Variants in SAMD12 observed in about 807,000 individuals in gnomAD.
SAMD12 encodes the protein sterile alpha motif domain containing 12.
SAMD12 carries 9 observed loss-of-function variants against 15.0 expected under a neutral mutation model. The ratio of observed to expected loss-of-function variants is 0.60; its 90% CI spans 0.36 to 1.05. SAMD12 has a LOEUF of 1.05. SAMD12 is among the 50% of genes least tolerant of loss of function. The pLI is 0.01. For missense variants in SAMD12, 230 were observed against 234.2 expected (o/e 0.98, Z 0.12); for synonymous variants, 86 against 90.1 (o/e 0.96, Z 0.25).
intron 1 of SAMD12, among the ~76,000 whole-genome samples, chr8:118,591,864 T>C (rs1353070399): frequency 1.3e-5 from 2 of 152,062 alleles, no homozygotes; most frequent in East Asian, 3.8e-4. Flanking sequence ...ATTTAGGAAG[T>C]CTTTACATAT....
chr8:118,215,899 A>G (rs1443056707), intron 4 of SAMD12, among the ~76,000 whole-genome samples: 3 of 151,398 alleles, frequency 2.0e-5, no homozygotes, highest in Non-Finnish European at 4.4e-5. Context: ...AGTCTTTGCT[A>G]TTGTGAATAA....
chr8:118,299,766 C>CA (rs976224062), intron 4 of SAMD12, among the ~76,000 whole-genome samples: 1 of 152,044 alleles, frequency 6.6e-6, no homozygotes, highest in African/African-American at 2.4e-5. Flanking sequence ...CAAGAATTGG[C>CA]AAAAATCTCT....
chr8:118,464,404 G>A (rs527703555), intron 2 of SAMD12, among the ~76,000 whole-genome samples: 17 of 152,256 alleles, frequency 1.1e-4, no homozygotes, highest in African/African-American at 4.1e-4. Flanking sequence ...GAGAAAAGAT[G>A]GGTCCAGGAA....
chr8:118,372,346 T>C (rs9643125), intron 4 of SAMD12, among the ~76,000 whole-genome samples: 107,898 of 151,616 alleles, frequency 0.71, 39,585 homozygotes, highest in African/African-American at 0.86. Context: ...TGACCTGAGA[T>C]TCTCAGGAAA....
At chr8:118,348,142 T>C (rs1173749346) in intron 4 of SAMD12, among the ~76,000 whole-genome samples, 1 of 152,072 alleles carries the variant, frequency 6.6e-6, no homozygotes, top group African/African-American at 2.4e-5. Context: ...AACGGTGCCC[T>C]CTCGGCTCAC....
chr8:118,602,833 T>C (rs1410592362), intron 1 of SAMD12, among the ~76,000 whole-genome samples: 2 of 151,994 alleles, frequency 1.3e-5, no homozygotes, highest in Admixed American at 1.3e-4. Context: ...TTGGCAAATA[T>C]TTGAAGAAAA....
chr8:118,333,632 C>T (rs1816908749), intron 4 of SAMD12, among the ~76,000 whole-genome samples: 1 of 151,598 alleles, frequency 6.6e-6, no homozygotes, highest in Non-Finnish European at 1.5e-5. Context: ...GTATTCAATA[C>T]AGAAGGACTT....
Position 118,428,424 on chromosome 8 carries a change from A to AAAAGAAAAGC in SAMD12, c.322+11407_322+11408insGCTTTTCTTT, listed in dbSNP as rs1822301201. Among the ~76,000 whole-genome samples the AAAAGAAAAGC allele has an allele frequency of 6.1e-5, 9 of 146,824 alleles. No homozygotes were observed. In the South Asian group the frequency reaches 1.9e-3, roughly 30 times the overall value. On this transcript the variant is annotated intron_variant, in intron 3 of 3. Coordinates refer to ENST00000314727, the MANE Select transcript of SAMD12 (RefSeq NM_207506.3). ...AAAAACAATAACAAAGAAAGAAAAG[A>AAAAGAAAAGC]AAAGAAAAAAGAAAAGAAATAAAAA...
chr8:118,348,381 T>G (rs1817772753), intron 4 of SAMD12, among the ~76,000 whole-genome samples: 1 of 151,828 alleles, frequency 6.6e-6, no homozygotes, highest in East Asian at 1.9e-4. Context: ...TTATTACTTT[T>G]TTTTTTTGAG....
chr8:118,531,245 G>T (rs1041382193), intron 2 of SAMD12, among the ~76,000 whole-genome samples: 1 of 152,174 alleles, frequency 6.6e-6, no homozygotes, highest in African/African-American at 2.4e-5. Context: ...TTGTAGATAT[G>T]TGGTATTATT....
chr8:118,294,995 C>T (rs113166273), intron 4 of SAMD12, among the ~76,000 whole-genome samples: 161 of 152,118 alleles, frequency 1.1e-3, no homozygotes, highest in African/African-American at 3.7e-3. Context: ...GGGAGGATCC[C>T]GCTTTAGTTC....
At chr8:118,548,863 C>G (rs200968021) in intron 2 of SAMD12, among the ~76,000 whole-genome samples, 1 of 152,242 alleles carries the variant, frequency 6.6e-6, no homozygotes, top group African/African-American at 2.4e-5. Context: ...AAATGGTGCA[C>G]CACGAGATTA....
At chr8:118,474,436 A>G (rs2515002) in intron 2 of SAMD12, among the ~76,000 whole-genome samples, 124,263 of 152,090 alleles carry the variant, frequency 0.82, 51,170 homozygotes, top group African/African-American at 0.92. Flanking sequence ...GCTGGAGTGC[A>G]ATGGTGCGAT....
At chr8:118,160,238 A>G in the SAMD12 span, among the ~76,000 whole-genome samples, 1 of 152,256 alleles carries the variant, frequency 6.6e-6, no homozygotes, top group Non-Finnish European at 1.5e-5. Flanking sequence ...TAATTTAAGC[A>G]GACTTGAACA....
intron 2 of SAMD12, among the ~76,000 whole-genome samples, chr8:118,497,739 G>GGGGA (rs1824665092): frequency 1.7e-5 from 1 of 58,244 alleles, no homozygotes; most frequent in African/African-American, 7.7e-5. Flanking sequence ...GGGGTGGGGG[G>GGGGA]AAAGAAAAAA....
chr8:118,298,823 C>A (rs1486830365), intron 4 of SAMD12, among the ~76,000 whole-genome samples: 1 of 152,062 alleles, frequency 6.6e-6, no homozygotes, highest in Non-Finnish European at 1.5e-5. Context: ...CAATAAATAA[C>A]TATAAATTGA....
intron 4 of SAMD12, among the ~76,000 whole-genome samples, chr8:118,359,590 C>T (rs889639699): frequency 4.6e-5 from 7 of 152,114 alleles, no homozygotes; most frequent in African/African-American, 1.2e-4. Flanking sequence ...AAGAGCATCG[C>T]GCTCCTGGAG....
chr8:118,246,943 G>A (rs75383715), intron 4 of SAMD12, among the ~76,000 whole-genome samples: 1,778 of 152,228 alleles, frequency 0.012, 36 homozygotes, highest in African/African-American at 0.04. Context: ...GGCTGGCAAC[G>A]TGACTGAAGA....
At chr8:118,476,567 T>G (rs969592408) in intron 2 of SAMD12, among the ~76,000 whole-genome samples, 6 of 152,082 alleles carry the variant, frequency 3.9e-5, no homozygotes, top group African/African-American at 1.4e-4. Context: ...AGTTTCAAAA[T>G]ATCGCATGGC....
Sources: allele counts gnomAD v4.1 joint callset (sites outside exome capture counted in the v4.1 genomes callset), GRCh38; gene constraint gnomAD v4.1.1; transcripts MANE v1.5; gene names NCBI Gene and HGNC (gene_info 2026-07-23, HGNC 2026-07-21).